GRIK4: variants seen among roughly 807,000 people sequenced by gnomAD.
GRIK4 encodes the protein glutamate ionotropic receptor kainate type subunit 4.
In GRIK4, 40 loss-of-function variants were observed where a neutral mutation model predicts 104.9. That is an observed-to-expected ratio of 0.38 (90% CI 0.30 to 0.50). The LOEUF (loss-of-function observed/expected upper bound fraction) is 0.50. GRIK4 is among the 20% of genes least tolerant of loss of function. The probability of loss-of-function intolerance (pLI) is 0.93; values close to 1 mark genes in which losing one functional copy is unlikely to be tolerated. For missense variants in GRIK4, 1,047 were observed against 1,308.1 expected (o/e 0.80, Z 3.08); for synonymous variants, 485 against 524.9 (o/e 0.92, Z 1.04).
At chr11:120,682,671 T>C (rs555943839) in intron 3 of GRIK4, among the ~76,000 whole-genome samples, 8 of 151,830 alleles carry the variant, frequency 5.3e-5, no homozygotes, top group African/African-American at 1.9e-4. Context: ...TGAACCATAT[T>C]CCCAGTGCCC....
At chr11:120,747,932 G>A (rs899274897) in intron 3 of GRIK4, among the ~76,000 whole-genome samples, 5 of 152,196 alleles carry the variant, frequency 3.3e-5, no homozygotes, top group Admixed American at 1.3e-4. Flanking sequence ...GGTGAGGGCC[G>A]TGATGAGTAA....
chr11:120,900,209 G>A (rs1942695023), intron 12 of GRIK4, among the ~76,000 whole-genome samples: 1 of 152,112 alleles, frequency 6.6e-6, no homozygotes, highest in Non-Finnish European at 1.5e-5. Context: ...GGGCATTGTC[G>A]GGTGTTCAGG....
At chr11:120,604,557 G>A (rs1948933640) in intron 1 of GRIK4, among the ~76,000 whole-genome samples, 2 of 152,240 alleles carry the variant, frequency 1.3e-5, no homozygotes, top group Non-Finnish European at 2.9e-5. Context: ...TCGCCCAGCA[G>A]TGGGAACTGT....
At chr11:120,545,946 C>T (rs565917238) in intron 1 of GRIK4, among the ~76,000 whole-genome samples, 62 of 152,314 alleles carry the variant, frequency 4.1e-4, no homozygotes, top group African/African-American at 1.4e-3. Flanking sequence ...CTCCACCCTT[C>T]CTGCTCTGAC....
intron 3 of GRIK4, among the ~76,000 whole-genome samples, chr11:120,751,483 C>T (rs1466696033): frequency 6.6e-6 from 1 of 152,138 alleles, no homozygotes; most frequent in Non-Finnish European, 1.5e-5. Context: ...AGCAGACTCC[C>T]ATAAGCCTGT....
At chr11:120,516,645 G>A (rs78999843) in intron 1 of GRIK4, among the ~76,000 whole-genome samples, 11,941 of 152,140 alleles carry the variant, frequency 0.078, 780 homozygotes, top group East Asian at 0.16. Context: ...GGGCCTGGGC[G>A]CTGGTGACAG....
At chr11:120,900,644 G>T (rs12577774) in intron 12 of GRIK4, among the ~76,000 whole-genome samples, 14,900 of 152,144 alleles carry the variant, frequency 0.098, 931 homozygotes, top group East Asian at 0.31. Context: ...TGATACCCAG[G>T]GGTCAGGGTG....
At chr11:120,596,971 C>T (rs536576568) in intron 1 of GRIK4, among the ~76,000 whole-genome samples, 22 of 152,266 alleles carry the variant, frequency 1.4e-4, no homozygotes, top group Admixed American at 4.6e-4. Flanking sequence ...GTGATCCATC[C>T]GCCTCGGCCT....
chr11:120,682,711 T>C (rs1164104461), intron 3 of GRIK4, among the ~76,000 whole-genome samples: 1 of 151,922 alleles, frequency 6.6e-6, no homozygotes, highest in Non-Finnish European at 1.5e-5. Context: ...ACATGGGAAG[T>C]GGGTTGCATA....
intron 1 of GRIK4, among the ~76,000 whole-genome samples, chr11:120,544,976 C>T (rs566523198): frequency 2.9e-4 from 44 of 152,260 alleles, no homozygotes; most frequent in African/African-American, 1.0e-3. Flanking sequence ...TCACAACAAC[C>T]GTGTGCTGCA....
chr11:120,952,768 C>G lies in GRIK4; in HGVS notation c.1591-87C>G. The G allele has an allele frequency of 1.1e-6, 1 of 869,814 alleles. No homozygotes were observed. Among genetic ancestry groups the G allele is most frequent in the Non-Finnish European group, 2.0e-6 (1 of 504,988 alleles). 53.9% of individuals were successfully genotyped at this position (869,814 alleles called of 1,614,324 possible). A position where few individuals can be genotyped will look rare whatever the true frequency, so the allele number is the denominator to read the frequency against. ...TGGGAACTGGGGCCAGACCCACACTCACTACCTCCTCTACCCCGCCCTGCC... is the reference window on the plus strand; with the variant it reads ...TGGGAACTGGGGCCAGACCCACACTGACTACCTCCTCTACCCCGCCCTGCC... On this transcript the variant is annotated intron_variant, in intron 14 of 20. Transcript: ENST00000527524. This position sits in a 1 kb window ranked among gnomAD's most constrained non-coding sequence, Gnocchi z 5.2.
At position 120,973,946 on chromosome 11, in the gene GRIK4, T is replaced by C. The variant is rs12289110; in HGVS notation, c.2395+6623T>C. Among the ~76,000 whole-genome samples, 973 of 152,270 alleles carry C rather than the reference T, an allele frequency of 6.4e-3. 7 individuals carry two copies. The highest frequency in any genetic ancestry group is 0.022 in the African/African-American group (925 of 41,544). ...TTTTTGAGACAGATTCTCATCCTGT[T>C]GCCCAGGCTGGAGTGCAATGGCACA... On this transcript the variant is annotated intron_variant, in intron 19 of 20. Transcript: ENST00000527524.
chr11:120,931,896 C>T (rs1421018833), intron 13 of GRIK4, among the ~76,000 whole-genome samples: 1 of 152,130 alleles, frequency 6.6e-6, no homozygotes, highest in Admixed American at 6.5e-5. Flanking sequence ...TGCTCCTGGC[C>T]CTGTGTGTTC....
chr11:120,915,779 A>G (rs1943092955), intron 13 of GRIK4, among the ~76,000 whole-genome samples: 1 of 152,082 alleles, frequency 6.6e-6, no homozygotes, highest in East Asian at 1.9e-4. Context: ...GCCAGACACC[A>G]TGTAGAAGCT....
intron 6 of GRIK4, among the ~76,000 whole-genome samples, chr11:120,827,001 A>AT (rs1171478023): frequency 6.6e-6 from 1 of 152,134 alleles, no homozygotes; most frequent in Non-Finnish European, 1.5e-5. Context: ...TATGTGCCAT[A>AT]TTGAATTCAT....
rs781755756 is a variant in GRIK4, at chr11:120,824,355, G to C, written c.511+4435G>C. ...ACAGAGCCTGAGGGAGTTGGCTACT[G>C]GGGGGCTTCCAAGGAGAGTTGGGGC... On this transcript the variant is annotated intron_variant, in intron 6 of 20. Transcript: ENST00000527524. Among the ~76,000 whole-genome samples the C allele has an allele frequency of 1.7e-4, 26 of 152,218 alleles. No individual in the cohort carries two copies. In the East Asian group the frequency reaches 4.1e-3, roughly 24 times the overall value.
At chr11:120,917,685 T>C (rs1255269606) in intron 13 of GRIK4, among the ~76,000 whole-genome samples, 1 of 152,214 alleles carries the variant, frequency 6.6e-6, no homozygotes, top group Non-Finnish European at 1.5e-5. Flanking sequence ...GTGCTGGTTA[T>C]TTTCCATGGA....
chr11:120,801,343 A>C (rs1393427916), intron 3 of GRIK4, among the ~76,000 whole-genome samples: 1 of 152,160 alleles, frequency 6.6e-6, no homozygotes, highest in Admixed American at 6.5e-5. Flanking sequence ...CTCCTACCTC[A>C]GCCTCCCGAG....
chr11:120,519,482 C>G (rs1947770355), intron 1 of GRIK4, among the ~76,000 whole-genome samples: 1 of 152,222 alleles, frequency 6.6e-6, no homozygotes, highest in Non-Finnish European at 1.5e-5. Context: ...AAAGCCCTCA[C>G]CCGACACTGA....
Sources: gnomAD v4.1 joint callset for allele counts (sites outside exome capture counted in the v4.1 genomes callset) on GRCh38, gnomAD v4.1.1 for gene constraint, Gnocchi (gnomAD v3.1) non-coding constraint, MANE v1.5 for transcripts, NCBI Gene and HGNC (gene_info 2026-07-23, HGNC 2026-07-21) for gene names.